The following SEPTIN11 variants were observed in gnomAD, a reference collection of about 807,000 sequenced individuals.
The protein encoded by SEPTIN11 is septin 11, also known as septin-11.
In SEPTIN11, 25 loss-of-function variants were observed where a neutral mutation model predicts 51.4. The ratio of observed to expected loss-of-function variants is 0.49; its 90% CI spans 0.35 to 0.68. The LOEUF is 0.68. SEPTIN11 is among the 30% of genes least tolerant of loss of function. The probability of loss-of-function intolerance (pLI) is 0.00; values close to 1 mark genes in which losing one functional copy is unlikely to be tolerated. For missense variants in SEPTIN11, 381 were observed against 520.8 expected (o/e 0.73, Z 2.61); for synonymous variants, 174 against 184.1 (o/e 0.95, Z 0.44).
intron 1 of SEPTIN11, among the ~76,000 whole-genome samples, chr4:76,957,519 C>G (rs1721614959): frequency 6.6e-6 from 1 of 152,160 alleles, no homozygotes; most frequent in African/African-American, 2.4e-5. Context: ...CAGATTAAGC[C>G]AGTTAGTACA....
chr4:76,988,926 A>G (rs1177089516), intron 1 of SEPTIN11, among the ~76,000 whole-genome samples: 2 of 152,232 alleles, frequency 1.3e-5, no homozygotes, highest in South Asian at 2.1e-4. Flanking sequence ...ACTCCCTTTC[A>G]TGGGTCAATT....
intron 1 of SEPTIN11, among the ~76,000 whole-genome samples, chr4:76,975,789 C>A (rs553248669): frequency 6.6e-6 from 1 of 152,242 alleles, no homozygotes; most frequent in Non-Finnish European, 1.5e-5. Context: ...TAAAGTAACT[C>A]ATCTACTCTC....
intron 7 of SEPTIN11, chr4:77,021,228 TGACGGGTGGA>T (rs1443277930): frequency 2.6e-5 from 4 of 152,492 alleles, no homozygotes; most frequent in African/African-American, 9.6e-5. Context: ...CTTATATCAC[TGACGGGTGGA>T]GACGCAAAAT....
chr4:77,017,529 CTTGT>C (rs1260002144), intron 5 of SEPTIN11, among the ~76,000 whole-genome samples: 2 of 152,172 alleles, frequency 1.3e-5, no homozygotes, highest in African/African-American at 4.8e-5. Flanking sequence ...GAAACTCAGA[CTTGT>C]TTGAGAAAGA....
downstream of SEPTIN11, chr4:77,039,237 T>A: frequency 2.5e-6 from 3 of 1,210,682 alleles, no homozygotes; most frequent in Non-Finnish European, 3.1e-6. Context: ...ATTGCACTGC[T>A]GTTTGTACTT....
At chr4:76,971,764 G>A (rs963625044) in intron 1 of SEPTIN11, among the ~76,000 whole-genome samples, 1 of 152,066 alleles carries the variant, frequency 6.6e-6, no homozygotes, top group African/African-American at 2.4e-5. Context: ...TGAGAAAGCA[G>A]GAAAAAGGAA....
intron 1 of SEPTIN11, among the ~76,000 whole-genome samples, chr4:76,952,121 A>G (rs115588042): frequency 1.2e-4 from 19 of 152,184 alleles, no homozygotes; most frequent in African/African-American, 2.7e-4. Flanking sequence ...TCATTGGGCT[A>G]TTGTCTTAAG....
intron 1 of SEPTIN11, chr4:76,958,808 A>G: frequency 8.5e-7 from 1 of 1,178,302 alleles, no homozygotes; most frequent in Non-Finnish European, 1.2e-6. Flanking sequence ...ATTAAAAAAA[A>G]ATAAGTTTTA....
chr4:77,033,937 C>T (rs1307487294), intron 9 of SEPTIN11, among the ~76,000 whole-genome samples: 1 of 152,196 alleles, frequency 6.6e-6, no homozygotes, highest in Non-Finnish European at 1.5e-5. Flanking sequence ...AAGCTCCTGG[C>T]ATTGCTGTAG....
chr4:77,024,335 C>T lies in SEPTIN11; in HGVS notation c.953+3665C>T, dbSNP rs140963918. Reference sequence around the variant, plus strand: ...GCTCTTTCCCAAGCCCATCTTTATCCGCCCCCTGTGCATGCCCGGCTGCTG... The same window carrying T: ...GCTCTTTCCCAAGCCCATCTTTATCTGCCCCCTGTGCATGCCCGGCTGCTG... On this transcript the variant is annotated intron_variant, in intron 7 of 9. Transcript: ENST00000264893. This position sits in a 1 kb window ranked among gnomAD's most constrained non-coding sequence, Gnocchi z 4.2. 7.4e-3 allele frequency among the ~76,000 whole-genome samples: 1,119 copies of T among 152,218 alleles called. 14 individuals carry two copies. The highest frequency in any genetic ancestry group is 0.025 in the African/African-American group (1,047 of 41,526).
rs1553976963 is a variant in SEPTIN11 at position 77,023,302 on chromosome 4, A to AAT, written c.953+2642_953+2643dup. Among the ~76,000 whole-genome samples the AAT allele has an allele frequency of 2.8e-3, 406 of 143,916 alleles. 2 individuals carry two copies. The highest frequency in any genetic ancestry group is 9.6e-3 in the African/African-American group (375 of 39,008). 94.4% of individuals were successfully genotyped at this position (143,916 alleles called of 152,430 possible). ...CACACACACACACACACACACACAC[A>AAT]ATATATATATAAAATAATATATATT... On this transcript the variant is annotated intron_variant, in intron 7 of 9. Transcript: ENST00000264893.
chr4:77,038,992 G>C, downstream of SEPTIN11: 1 of 945,778 alleles, frequency 1.1e-6, no homozygotes, highest in South Asian at 1.4e-5. Flanking sequence ...TTCACAGCTT[G>C]TTGTAGAGAA....
chr4:76,996,014 T>TG, intron 1 of SEPTIN11: 1 of 1,322,426 alleles, frequency 7.6e-7, no homozygotes, highest in Non-Finnish European at 1.0e-6. Flanking sequence ...TTTATGTATC[T>TG]GGAAGAGTGT....
At chr4:76,971,414 T>C (rs75514845) in intron 1 of SEPTIN11, among the ~76,000 whole-genome samples, 13 of 151,924 alleles carry the variant, frequency 8.6e-5, no homozygotes, top group African/African-American at 3.1e-4. Context: ...TCCATGCTGC[T>C]TTTTTTTATA....
intron 1 of SEPTIN11, among the ~76,000 whole-genome samples, chr4:76,951,182 C>G (rs117525719): frequency 2.4e-4 from 37 of 152,166 alleles, no homozygotes; most frequent in Admixed American, 2.6e-4. Context: ...CAGATACGCG[C>G]GCCTTTTGCA....
At chr4:77,009,071 A>G (rs1724683907) in intron 3 of SEPTIN11, among the ~76,000 whole-genome samples, 1 of 152,266 alleles carries the variant, frequency 6.6e-6, no homozygotes, top group Non-Finnish European at 1.5e-5. Flanking sequence ...CAGCATAATT[A>G]AATCTTTGAC....
intron 1 of SEPTIN11, among the ~76,000 whole-genome samples, chr4:76,950,860 A>G (rs1450481341): frequency 1.3e-5 from 2 of 152,154 alleles, no homozygotes; most frequent in African/African-American, 2.4e-5. Context: ...TTTTTTTGAA[A>G]GGAGCGGAGC....
chr4:76,991,289 C>T (rs971239770), intron 1 of SEPTIN11, among the ~76,000 whole-genome samples: 2 of 152,202 alleles, frequency 1.3e-5, no homozygotes, highest in African/African-American at 2.4e-5. Context: ...AGCACCTCTT[C>T]CTGTTTTTAC....
Position 77,016,657 on chromosome 4 carries a change from C to CATAT in SEPTIN11, c.687+1641_687+1642insTATA, listed in dbSNP as rs1560736525. Among the ~76,000 whole-genome samples the CATAT allele has an allele frequency of 5.1e-4, 40 of 79,200 alleles. 1 individual carries two copies. Among genetic ancestry groups the CATAT allele is most frequent in the Admixed American group, 8.3e-4 (6 of 7,240 alleles). 52.0% of individuals were successfully genotyped at this position (79,200 alleles called of 152,430 possible). ...ACATATATATATATATATATATATA[C>CATAT]ACATATATATATATATATGGCCAGG... On this transcript the variant is annotated intron_variant, in intron 5 of 9. Coordinates refer to ENST00000264893, the MANE Select transcript of SEPTIN11 (RefSeq NM_018243.4).
Sources: gnomAD v4.1 joint callset for allele counts (sites outside exome capture counted in the v4.1 genomes callset) on GRCh38, gnomAD v4.1.1 for gene constraint, Gnocchi (gnomAD v3.1) non-coding constraint, MANE v1.5 for transcripts, NCBI Gene and HGNC (gene_info 2026-07-23, HGNC 2026-07-21) for gene names.